WDR26: variants seen among roughly 807,000 people sequenced by gnomAD.
WDR26 encodes the protein WD repeat-containing protein 26.
WDR26 carries 5 observed loss-of-function variants against 84.1 expected under a neutral mutation model. The observed-to-expected ratio is 0.06, with a 90% CI of 0.03 to 0.13. The LOEUF is 0.13. WDR26 is among the 10% of genes least tolerant of loss of function. The pLI, the probability that WDR26 is intolerant of heterozygous loss-of-function variation, is 1.00. For missense variants in WDR26, 642 were observed against 974.9 expected (o/e 0.66, Z 4.55); for synonymous variants, 415 against 389.6 (o/e 1.07, Z -0.77).
At chr1:224,425,092 AGC>A in intron 3 of WDR26, among the ~76,000 whole-genome samples, 1 of 152,252 alleles carries the variant, frequency 6.6e-6, no homozygotes, top group Non-Finnish European at 1.5e-5. Flanking sequence ...AGAAAAAAAT[AGC>A]AAATGAACTA....
Position 224,431,763 on chromosome 1 carries a change from G to A in WDR26, c.741C>T (p.Leu247=). Residue 247 remains leucine, a synonymous_variant, in exon 2 of 14, where the codon CTC becomes CTT. Transcript: ENST00000414423. The stretch of plus-strand genomic sequence containing the variant: ...CTAAACGACATCCTGACTCTTGCAT[G>A]AGGAGATCAACAGTCTGGCTGCAGG... 6.2e-7 allele frequency: 1 copy of A among 1,612,732 alleles called. No homozygotes were observed. The highest frequency in any genetic ancestry group is 8.5e-7 in the Non-Finnish European group (1 of 1,179,010).
At chr1:224,401,702 G>GAAAAAAAAAAAAA (rs5781368) in intron 8 of WDR26, among the ~76,000 whole-genome samples, 2 of 97,766 alleles carry the variant, frequency 2.0e-5, no homozygotes, top group Non-Finnish European at 3.9e-5. Flanking sequence ...AAAAAAAAAA[G>GAAAAAAAAAAAAA]AAAAAAGAAA....
chr1:224,427,103 C>CAA (rs769063024), intron 3 of WDR26, among the ~76,000 whole-genome samples: 22 of 91,164 alleles, frequency 2.4e-4, no homozygotes, highest in African/African-American at 4.8e-4. Flanking sequence ...AACTCTGTCT[C>CAA]CAAAAAAAAA....
intron 3 of WDR26, among the ~76,000 whole-genome samples, chr1:224,425,924 C>G (rs1674197229): frequency 6.6e-6 from 1 of 152,018 alleles, no homozygotes; most frequent in South Asian, 2.1e-4. Flanking sequence ...GTGGCGTGAT[C>G]TTGGCTTACT....
chr1:224,386,127 AATT>A lies in WDR26; in HGVS notation c.*3705_*3707del, dbSNP rs755999479. 1 of 152,604 alleles carries A rather than the reference AATT, an allele frequency of 6.6e-6. No homozygotes were observed. The highest frequency in any genetic ancestry group is 1.5e-5 in the Non-Finnish European group (1 of 68,016). 9.5% of individuals were successfully genotyped at this position (152,604 alleles called of 1,614,324 possible). A position where few individuals can be genotyped will look rare whatever the true frequency, so the allele number is the denominator to read the frequency against. Reference sequence around the variant, plus strand: ...TAGCTTAACAACACTGAAAAATTTCAATTAAGTTCACCCTGTTTTTAGAAAGTG... The same window carrying A: ...TAGCTTAACAACACTGAAAAATTTCAAAGTTCACCCTGTTTTTAGAAAGTG... On this transcript the variant is annotated 3_prime_UTR_variant, in exon 14 of 14. Coordinates refer to ENST00000414423, the MANE Select transcript of WDR26 (RefSeq NM_001379403.1).
Position 224,433,796 on chromosome 1 carries a change from A to G in WDR26, c.610T>C (p.Ser204Pro). ...CTGCCCAGTTCTGGGGTGGCCAAGGAAGAGGAGGCGGCGGTGGTGGCGGAG... is the reference window on the plus strand; with the variant it reads ...CTGCCCAGTTCTGGGGTGGCCAAGGGAGAGGAGGCGGCGGTGGTGGCGGAG... Residue 204 changes from serine (S) to proline (P), a missense_variant, in exon 1 of 14, where the codon TCC becomes CCC. This residue lies in a region of WDR26 where 291 missense variants were observed against 302.1 expected (regional missense o/e 0.96). Coordinates refer to ENST00000414423, the MANE Select transcript of WDR26 (RefSeq NM_001379403.1). The G allele has an allele frequency of 6.5e-7, 1 of 1,536,974 alleles. No individual in the cohort carries two copies. Among genetic ancestry groups the G allele is most frequent in the Non-Finnish European group, 8.7e-7 (1 of 1,146,788 alleles).
Position 224,433,674 on chromosome 1 carries a change from G to A in WDR26, c.722+10C>T, listed in dbSNP as rs1463885180. On this transcript the variant is annotated intron_variant, in intron 1 of 13. Coordinates refer to ENST00000414423, the MANE Select transcript of WDR26 (RefSeq NM_001379403.1). ...CTGTCCATCACCAGCTGGCGGTAAG[G>A]GATACTTACTTGAGCCCTAAGCCAT... is the stretch of plus-strand genomic sequence containing the variant. The A allele has an allele frequency of 2.7e-6, 4 of 1,470,448 alleles. No homozygotes were observed. The highest frequency in any genetic ancestry group is 3.6e-6 in the Non-Finnish European group (4 of 1,109,824). The allele number at this position is 1,470,448 out of a possible 1,614,324, so 91.1% of individuals were successfully genotyped here.
rs148513645 is a variant in WDR26 at position 224,387,920 on chromosome 1, AAC to A, written c.*1913_*1914del. ...GTTAAGAAAAATGAAGTACCAGATA[AAC>A]TGTAACATATATTTTAACTTAGAAG... On this transcript the variant is annotated 3_prime_UTR_variant, in exon 14 of 14. Transcript: ENST00000414423. 754 of 152,738 alleles carry A rather than the reference AAC, an allele frequency of 4.9e-3. 7 individuals carry two copies. The highest frequency in any genetic ancestry group is 0.017 in the African/African-American group (713 of 41,558). The allele number at this position is 152,738 out of a possible 1,614,324, so 9.5% of individuals were successfully genotyped here. A position where few individuals can be genotyped will look rare whatever the true frequency, so the allele number is the denominator to read the frequency against.
intron 3 of WDR26, among the ~76,000 whole-genome samples, chr1:224,425,323 C>G (rs1674178444): frequency 6.6e-6 from 1 of 152,190 alleles, no homozygotes; most frequent in Admixed American, 6.5e-5. Context: ...TAAGGGATGT[C>G]TACGTTAGAT....
chr1:224,389,254 G>C lies in WDR26; in HGVS notation c.*581C>G, dbSNP rs1673059685. 1 of 161,362 alleles carries C rather than the reference G, an allele frequency of 6.2e-6. No homozygotes were observed. Among genetic ancestry groups the C allele is most frequent in the Admixed American group, 6.5e-5 (1 of 15,482 alleles). The allele number at this position is 161,362 out of a possible 1,614,324, so 10.0% of individuals were successfully genotyped here. A position where few individuals can be genotyped will look rare whatever the true frequency, so the allele number is the denominator to read the frequency against. On this transcript the variant is annotated 3_prime_UTR_variant, in exon 14 of 14. Transcript: ENST00000414423. ...CAAATGTAATATTGAGAGTGCTTTT[G>C]ACATAGTTCACTGGTTTATCATCTG...
At chr1:224,410,773 AC>A (rs1211662924) in intron 7 of WDR26, among the ~76,000 whole-genome samples, 2 of 142,304 alleles carry the variant, frequency 1.4e-5, no homozygotes, top group Non-Finnish European at 3.0e-5. Flanking sequence ...GTCACAGCTC[AC>A]TGTAGCCTCC....
At chr1:224,396,837 A>C (rs1673277470) in intron 12 of WDR26, among the ~76,000 whole-genome samples, 1 of 152,116 alleles carries the variant, frequency 6.6e-6, no homozygotes, top group African/African-American at 2.4e-5. Flanking sequence ...GGAGGGAAGG[A>C]CTGCTTGAGC....
At chr1:224,431,275 G>A (rs6694310) in intron 3 of WDR26, 461,656 of 466,626 alleles carry the variant, frequency 0.99, 228,541 homozygotes, top group East Asian at 1. Flanking sequence ...TAATTTATAA[G>A]GTTCAAATGA....
intron 8 of WDR26, among the ~76,000 whole-genome samples, chr1:224,401,412 T>C (rs1231607627): frequency 6.6e-6 from 1 of 152,118 alleles, no homozygotes; most frequent in Non-Finnish European, 1.5e-5. Flanking sequence ...ACTACATACC[T>C]ATTCCTTCTG....
intron 8 of WDR26, 44 bp downstream of exon 8, chr1:224,404,386 C>CT: frequency 6.3e-7 from 1 of 1,598,824 alleles, no homozygotes; most frequent in Non-Finnish European, 8.5e-7. Flanking sequence ...TACATTATGA[C>CT]TATGCTGTAC....
At chr1:224,417,588 C>A (rs892268568) in intron 6 of WDR26, among the ~76,000 whole-genome samples, 1 of 152,140 alleles carries the variant, frequency 6.6e-6, no homozygotes, top group South Asian at 2.1e-4. Context: ...CCTATATAGT[C>A]CTAGCTACTC....
chr1:224,396,815 T>C (rs1673276609), intron 12 of WDR26, among the ~76,000 whole-genome samples: 1 of 151,994 alleles, frequency 6.6e-6, no homozygotes, highest in Non-Finnish European at 1.5e-5. Context: ...TTGGGGCTAC[T>C]TGAGGGGCTG....
chr1:224,401,814 A>C (rs1353927886), intron 8 of WDR26, among the ~76,000 whole-genome samples: 3 of 152,044 alleles, frequency 2.0e-5, no homozygotes, highest in African/African-American at 7.2e-5. Context: ...GGGAAGGTAG[A>C]AAGAGAGAAA....
At chr1:224,395,770 G>T (rs1673243720) in intron 12 of WDR26, among the ~76,000 whole-genome samples, 1 of 152,174 alleles carries the variant, frequency 6.6e-6, no homozygotes, top group African/African-American at 2.4e-5. Context: ...CACATTTGGT[G>T]AAAGGCAGGA....
Sources: allele counts gnomAD v4.1 joint callset (sites outside exome capture counted in the v4.1 genomes callset), GRCh38; gene constraint gnomAD v4.1.1; regional missense constraint gnomAD v4.1.1; transcripts MANE v1.5; gene names NCBI Gene and HGNC (gene_info 2026-07-23, HGNC 2026-07-21).